The following SVOP variants were observed in gnomAD, a reference collection of about 807,000 sequenced individuals.
The protein encoded by SVOP is SV2 related protein.
A neutral mutation model predicts 69.1 loss-of-function variants in SVOP; 17 were observed. The observed-to-expected ratio is 0.25, with a 90% CI of 0.17 to 0.37. The LOEUF is 0.37. SVOP is among the 10% of genes least tolerant of loss of function. The pLI, the probability that SVOP is intolerant of heterozygous loss-of-function variation, is 1.00. For missense variants in SVOP, 435 were observed against 597.5 expected, an observed-to-expected ratio of 0.73 and a Z score of 2.84; for synonymous variants, 238 against 238.6, an observed-to-expected ratio of 1.00 and a Z score of 0.02.
At position 108,910,373 on chromosome 12, in the gene SVOP, C is replaced by T. The variant is rs1300751116; in HGVS notation, c.*2162G>A. On this transcript the variant is annotated 3_prime_UTR_variant, in exon 16 of 16. Coordinates refer to ENST00000610966, the MANE Select transcript of SVOP (RefSeq NM_018711.5). ...ACCAAGCACTCTATCCCCCCCAGCC[C>T]CCAGCTCCACTGGGTTATTCTAGGG... 6.6e-6 allele frequency: 1 copy of T among 152,284 alleles called. No homozygotes were observed. The highest frequency in any genetic ancestry group is 1.5e-5 in the Non-Finnish European group (1 of 68,130). 9.4% of individuals were successfully genotyped at this position (152,284 alleles called of 1,614,324 possible).
At chr12:108,917,912 T>C (rs577333994) in intron 14 of SVOP, 131 bp downstream of exon 14, 64 of 654,774 alleles carry the variant, frequency 9.8e-5, no homozygotes, top group Middle Eastern at 4.5e-4. Flanking sequence ...TCCCAAAGTG[T>C]TGGGATTATA....
chr12:109,020,751 T>A, intron 1 of SVOP, 83 bp downstream of exon 1: 1 of 398,286 alleles, frequency 2.5e-6, no homozygotes, highest in Non-Finnish European at 4.8e-6. Flanking sequence ...CATGCAGAGA[T>A]GTACCCCCCC....
intron 6 of SVOP, among the ~76,000 whole-genome samples, chr12:108,958,212 C>T (rs1243244849): frequency 2.0e-5 from 3 of 151,916 alleles, no homozygotes; most frequent in Non-Finnish European, 4.4e-5. Flanking sequence ...CTATGTTGCC[C>T]AGGCTGATCT....
chr12:108,913,258 T>C (rs1023225018), intron 15 of SVOP, among the ~76,000 whole-genome samples: 9 of 151,948 alleles, frequency 5.9e-5, no homozygotes, highest in Admixed American at 4.6e-4. Context: ...ATGGGGTTTC[T>C]CCATGTTGGT....
chr12:108,908,113 G>C lies in SVOP; in HGVS notation c.*4422C>G, dbSNP rs2039659559. 1 of 152,280 alleles carries C rather than the reference G, an allele frequency of 6.6e-6. No homozygotes were observed. The highest frequency in any genetic ancestry group is 2.1e-4 in the South Asian group (1 of 4,836). 9.4% of individuals were successfully genotyped at this position (152,280 alleles called of 1,614,324 possible). The stretch of plus-strand genomic sequence containing the variant: ...CAGCTGAGTCAGGTATGTTTGCAGA[G>C]CTGGGTTATGAGGCTATGGAAGCTC... On this transcript the variant is annotated 3_prime_UTR_variant, in exon 16 of 16. Coordinates refer to ENST00000610966, the MANE Select transcript of SVOP (RefSeq NM_018711.5).
chr12:108,952,866 A>G (rs1566055839), intron 6 of SVOP, among the ~76,000 whole-genome samples: 1 of 152,108 alleles, frequency 6.6e-6, no homozygotes, highest in Non-Finnish European at 1.5e-5. Context: ...TTCAAAAATA[A>G]TAATAATAAC....
At chr12:109,001,895 A>G (rs1356510280) in intron 1 of SVOP, among the ~76,000 whole-genome samples, 1 of 149,406 alleles carries the variant, frequency 6.7e-6, no homozygotes, top group Non-Finnish European at 1.5e-5. Context: ...GGACATAGGC[A>G]TGGGCAAGGA....
intron 12 of SVOP, among the ~76,000 whole-genome samples, chr12:108,922,206 G>A (rs1038449738): frequency 2.0e-5 from 3 of 152,184 alleles, no homozygotes; most frequent in Admixed American, 6.5e-5. Context: ...CAAAGGGCAG[G>A]TTGGCTTATC....
chr12:108,912,507 A>T lies in SVOP; in HGVS notation c.*28T>A. On this transcript the variant is annotated 3_prime_UTR_variant, in exon 16 of 16. Transcript: ENST00000610966. Reference sequence around the variant, plus strand: ...CCAGCCCCCCAAGCTCTGCAGCCTCAAAGACCAGCTCAGTCCCCCATCGGT... The same window carrying T: ...CCAGCCCCCCAAGCTCTGCAGCCTCTAAGACCAGCTCAGTCCCCCATCGGT... 6.2e-7 allele frequency: 1 copy of T among 1,612,614 alleles called. No homozygotes were observed. The highest frequency in any genetic ancestry group is 8.5e-7 in the Non-Finnish European group (1 of 1,178,772).
chr12:108,928,715 C>T (rs571842322), intron 11 of SVOP, among the ~76,000 whole-genome samples: 25 of 152,114 alleles, frequency 1.6e-4, no homozygotes, highest in Admixed American at 2.6e-4. Context: ...CACAGATGCA[C>T]GCCACCACAC....
intron 1 of SVOP, among the ~76,000 whole-genome samples, chr12:109,006,241 T>C (rs1331790250): frequency 6.6e-6 from 1 of 152,000 alleles, no homozygotes; most frequent in African/African-American, 2.4e-5. Context: ...TTAGTAGAGA[T>C]GGGGTTTCAC....
chr12:108,945,248 G>C (rs2039916024), intron 6 of SVOP, 82 bp from the exon 7 acceptor site: 1 of 1,326,836 alleles, frequency 7.5e-7, no homozygotes, highest in African/African-American at 1.5e-5. Context: ...ATTTGCAGCC[G>C]ACATTCCTCC....
chr12:108,970,303 C>T (rs1416649628), intron 5 of SVOP, among the ~76,000 whole-genome samples: 13 of 152,160 alleles, frequency 8.5e-5, no homozygotes, highest in African/African-American at 3.1e-4. Flanking sequence ...ATGAGCAAAC[C>T]ATGTGGTCCT....
chr12:108,988,770 C>CTTTTTTTTTTTTTTTTTTTTTTTTTTTT lies in SVOP; in HGVS notation c.36-5010_36-5009insAAAAAAAAAAAAAAAAAAAAAAAAAAAA, dbSNP rs758822738. ...TCTTCCTTTCTTACTTCTTTTCTCT[C>CTTTTTTTTTTTTTTTTTTTTTTTTTTTT]TTTTTTTTTTTTTTTTTTTTGAGAC... On this transcript the variant is annotated intron_variant, in intron 1 of 15. Transcript: ENST00000610966. Among the ~76,000 whole-genome samples the CTTTTTTTTTTTTTTTTTTTTTTTTTTTT allele has an allele frequency of 2.2e-5, 2 of 92,182 alleles. 1 individual carries two copies. 60.5% of individuals were successfully genotyped at this position (92,182 alleles called of 152,430 possible).
intron 11 of SVOP, among the ~76,000 whole-genome samples, chr12:108,923,478 G>A (rs747737911): frequency 7.9e-5 from 12 of 152,040 alleles, no homozygotes; most frequent in Non-Finnish European, 1.6e-4. Flanking sequence ...ACATAGGTGG[G>A]GTGGTGGGTC....
chr12:108,971,112 C>T (rs771944138), intron 5 of SVOP, among the ~76,000 whole-genome samples: 2 of 151,964 alleles, frequency 1.3e-5, no homozygotes, highest in African/African-American at 4.8e-5. Flanking sequence ...CTTCTTTATA[C>T]GTATTAGGAA....
At chr12:108,990,755 A>T (rs2040195299) in intron 1 of SVOP, among the ~76,000 whole-genome samples, 1 of 152,224 alleles carries the variant, frequency 6.6e-6, no homozygotes, top group African/African-American at 2.4e-5. Flanking sequence ...TTCCAGCCTG[A>T]CTGACAGCTC....
At chr12:109,020,367 G>GT (rs1028818262) in intron 1 of SVOP, among the ~76,000 whole-genome samples, 34 of 151,986 alleles carry the variant, frequency 2.2e-4, no homozygotes, top group Admixed American at 8.5e-4. Flanking sequence ...AGGCATCCCA[G>GT]TTTTTTTTAT....
chr12:109,002,417 A>G (rs1279201581), intron 1 of SVOP, among the ~76,000 whole-genome samples: 1 of 96,842 alleles, frequency 1.0e-5, no homozygotes, highest in Non-Finnish European at 2.1e-5. Context: ...TCAGGGATCT[A>G]GAACTAGAAA....
Sources: allele counts gnomAD v4.1 joint callset (sites outside exome capture counted in the v4.1 genomes callset), GRCh38; gene constraint gnomAD v4.1.1; transcripts MANE v1.5; gene names NCBI Gene and HGNC (gene_info 2026-07-23, HGNC 2026-07-21).